Variants in SLC27A4 observed in about 807,000 individuals in gnomAD.
SLC27A4 encodes the protein solute carrier family 27 member 4, also known as long-chain fatty acid transport protein 4.
SLC27A4 carries 33 observed loss-of-function variants against 64.4 expected under a neutral mutation model. That is an observed-to-expected ratio of 0.51 (90% CI 0.39 to 0.68). The LOEUF is 0.68. Ranked by LOEUF, SLC27A4 falls within the 30% of genes least tolerant of loss-of-function variation. The probability of loss-of-function intolerance (pLI) is 0.00; values close to 1 mark genes in which losing one functional copy is unlikely to be tolerated. For missense variants in SLC27A4, 824 were observed against 883.5 expected (o/e 0.93, Z 0.85); for synonymous variants, 377 against 370.0 (o/e 1.02, Z -0.22).
At position 128,355,128 on chromosome 9, in the gene SLC27A4, G is replaced by A; in HGVS notation, c.1400G>A (p.Gly467Asp). 2 of 1,613,674 alleles carry A rather than the reference G, an allele frequency of 1.2e-6. No homozygotes were observed. Among genetic ancestry groups the A allele is most frequent in the Admixed American group, 1.7e-5 (1 of 60,010 alleles). ...CGCTTCGATGGCTACCTCAACCAGG[G>A]CGCCAACAACAAGAAGATTGCCAAG... Reference protein sequence around the residue: ...LRRFDGYLNQGANNKKIAKDV... With the variant: ...LRRFDGYLNQDANNKKIAKDV... Residue 467 changes from glycine to aspartate, a missense_variant, in exon 10 of 13, where the codon GGC becomes GAC. Transcript: ENST00000300456.
At position 128,345,102 on chromosome 9, in the gene SLC27A4, AC is replaced by A; in HGVS notation, c.162-49del. 6.2e-7 allele frequency: 1 copy of A among 1,609,156 alleles called. No individual in the cohort carries two copies. The highest frequency in any genetic ancestry group is 8.5e-7 in the Non-Finnish European group (1 of 1,178,366). On this transcript the variant is annotated intron_variant, in intron 2 of 12. Coordinates refer to ENST00000300456, the MANE Select transcript of SLC27A4 (RefSeq NM_005094.4). This position sits in a 1 kb window ranked among gnomAD's most constrained non-coding sequence, Gnocchi z 4.1. Reference sequence around the variant, plus strand: ...CAGCAGCCTGGGGTAGGGTGTCAGGACCCCTCCCTCCCAACCATGGCAGACA... The same window carrying A: ...CAGCAGCCTGGGGTAGGGTGTCAGGACCCTCCCTCCCAACCATGGCAGACA...
At position 128,350,522 on chromosome 9, in the gene SLC27A4, G is replaced by A. The variant is rs780754811; in HGVS notation, c.824G>A (p.Arg275His). The A allele has an allele frequency of 6.2e-6, 10 of 1,613,814 alleles. No individual in the cohort carries two copies. The highest frequency in any genetic ancestry group is 2.2e-5 in the East Asian group (1 of 44,886). The change falls in exon 6 of 13, where the codon CGC becomes CAC. Residue 275 changes from arginine (R) to histidine (H), a missense_variant. Arg to His is a conservative substitution (Grantham distance 29). Coordinates refer to ENST00000300456, the MANE Select transcript of SLC27A4 (RefSeq NM_005094.4). ...RMAALVYYGF[R>H]MRPNDIVYDC... ...GCTGCCCTGGTGTACTATGGATTCC[G>A]CATGCGGCCCAACGACATCGTCTAT... is the stretch of plus-strand genomic sequence containing the variant.
At chr9:128,344,755 A>G (rs964176358) in intron 2 of SLC27A4, among the ~76,000 whole-genome samples, 2 of 152,124 alleles carry the variant, frequency 1.3e-5, no homozygotes, top group African/African-American at 4.8e-5. Flanking sequence ...GGAGGCCCCA[A>G]ACAAGGAGTT....
chr9:128,350,943 A>T (rs1047198412), intron 6 of SLC27A4, among the ~76,000 whole-genome samples: 5 of 152,164 alleles, frequency 3.3e-5, no homozygotes, highest in African/African-American at 1.2e-4. Context: ...AGTACAAAAA[A>T]TTAGCCAGGT....
Position 128,353,277 on chromosome 9 carries a change from C to T in SLC27A4, c.1197+43C>T. 1.9e-6 allele frequency: 3 copies of T among 1,609,068 alleles called. No individual in the cohort carries two copies. The highest frequency in any genetic ancestry group is 2.6e-6 in the Non-Finnish European group (3 of 1,176,314). ...ATGGGCGAGGCTGCTGCAGGGATGG[C>T]CCACAGAAGGCACTGGATGCAGAGG... On this transcript the variant is annotated intron_variant, in intron 8 of 12. Coordinates refer to ENST00000300456, the MANE Select transcript of SLC27A4 (RefSeq NM_005094.4). The surrounding 1 kb of genome is among the most constrained non-coding windows in gnomAD (Gnocchi z 4.9).
At chr9:128,351,906 G>T (rs1832742429) in intron 6 of SLC27A4, among the ~76,000 whole-genome samples, 1 of 151,804 alleles carries the variant, frequency 6.6e-6, no homozygotes, top group Non-Finnish European at 1.5e-5. Context: ...TTTGTTTTAG[G>T]CCAGGTGTGG....
chr9:128,351,083 ACT>A lies in SLC27A4; in HGVS notation c.877+511_877+512del, dbSNP rs1454727135. 2.0e-5 allele frequency among the ~76,000 whole-genome samples: 3 copies of A among 146,970 alleles called. No individual in the cohort carries two copies. In the Admixed American group the frequency reaches 2.0e-4, roughly 10 times the overall value. ...ACTCCAGCCTGGGCAACAGTACAAG[ACT>A]CTGTCTCGGAAAAAAAAAAAAGAAA... On this transcript the variant is annotated intron_variant, in intron 6 of 12. Transcript: ENST00000300456.
chr9:128,344,284 G>A (rs574444723), intron 2 of SLC27A4, among the ~76,000 whole-genome samples: 3 of 152,146 alleles, frequency 2.0e-5, no homozygotes, highest in South Asian at 2.1e-4. Flanking sequence ...TTGGGAGGCC[G>A]AAGTGGGTGG....
Position 128,340,565 on chromosome 9 carries a change from C to T in SLC27A4, c.-280C>T, listed in dbSNP as rs1445136306. The T allele has an allele frequency of 4.8e-6, 1 of 206,696 alleles. No individual in the cohort carries two copies. The highest frequency in any genetic ancestry group is 2.4e-5 in the African/African-American group (1 of 42,276). 12.8% of individuals were successfully genotyped at this position (206,696 alleles called of 1,614,324 possible). On this transcript the variant is annotated 5_prime_UTR_variant, in exon 1 of 13. Coordinates refer to ENST00000300456, the MANE Select transcript of SLC27A4 (RefSeq NM_005094.4). Reference sequence around the variant, plus strand: ...CTGCGCTGCGCCGCCGGCTCTGTGGCTTGCCGGCTTCGGGGAAGGTGCGGC... The same window carrying T: ...CTGCGCTGCGCCGCCGGCTCTGTGGTTTGCCGGCTTCGGGGAAGGTGCGGC...
intron 3 of SLC27A4, among the ~76,000 whole-genome samples, chr9:128,347,239 G>A (rs894114899): frequency 6.6e-6 from 1 of 152,190 alleles, no homozygotes; most frequent in Non-Finnish European, 1.5e-5. Context: ...TCTCTATAAA[G>A]ACCGAGTGAG....
chr9:128,347,090 A>G (rs1832668992), intron 3 of SLC27A4, among the ~76,000 whole-genome samples: 1 of 152,148 alleles, frequency 6.6e-6, no homozygotes, highest in African/African-American at 2.4e-5. Context: ...CCTTGTGACT[A>G]ATTAGGCCGT....
chr9:128,346,498 T>G (rs940628692), intron 3 of SLC27A4, among the ~76,000 whole-genome samples: 3 of 151,514 alleles, frequency 2.0e-5, no homozygotes, highest in Admixed American at 2.0e-4. Flanking sequence ...CCTCCCAAAG[T>G]GCTGGGATTA....
intron 1 of SLC27A4, chr9:128,342,336 T>C: frequency 6.2e-7 from 1 of 1,611,998 alleles, no homozygotes; most frequent in Non-Finnish European, 8.5e-7. Context: ...AAGAAACGAT[T>C]GAACAGGAGA....
intron 12 of SLC27A4, among the ~76,000 whole-genome samples, chr9:128,357,258 T>C: frequency 8.3e-6 from 1 of 120,066 alleles, no homozygotes; most frequent in African/African-American, 3.4e-5. Context: ...TGAGACTCTG[T>C]CTCAAAAAAA....
At chr9:128,355,948 T>G (rs993465497) in intron 12 of SLC27A4, 152 bp downstream of exon 12, 2 of 1,010,930 alleles carry the variant, frequency 2.0e-6, no homozygotes, top group African/African-American at 3.2e-5. Context: ...CAGACGGGGC[T>G]GGCAGAGAAG....
In SLC27A4 at chr9:128,360,520, A is replaced by C; in HGVS notation, c.*29A>C. Reference sequence around the variant, plus strand: ...CCCCCATCCCTCTGAGGGCCGGCGGATGCTGGATCCGGAGCCCCAGGTTCC... The same window carrying C: ...CCCCCATCCCTCTGAGGGCCGGCGGCTGCTGGATCCGGAGCCCCAGGTTCC... On this transcript the variant is annotated 3_prime_UTR_variant, in exon 13 of 13. Transcript: ENST00000300456. The C allele has an allele frequency of 6.2e-7, 1 of 1,612,268 alleles. No individual in the cohort carries two copies. The highest frequency in any genetic ancestry group is 8.5e-7 in the Non-Finnish European group (1 of 1,179,672).
At chr9:128,349,604 G>T (rs1412343974) in intron 4 of SLC27A4, among the ~76,000 whole-genome samples, 2 of 152,232 alleles carry the variant, frequency 1.3e-5, no homozygotes, top group South Asian at 2.1e-4. Flanking sequence ...TGGTTGCTCT[G>T]GTGCCCTCAT....
rs950520556 is a variant in SLC27A4 at position 128,345,607 on chromosome 9, C to G, written c.556+58C>G. 3.3e-6 allele frequency: 5 copies of G among 1,515,146 alleles called. No individual in the cohort carries two copies. Among genetic ancestry groups the G allele is most frequent in the Non-Finnish European group, 4.4e-6 (5 of 1,134,718 alleles). The allele number at this position is 1,515,146 out of a possible 1,614,324, so 93.9% of individuals were successfully genotyped here. ...ACCCCATGGGATCTTACACAGACCA[C>G]AGCTCCCTTCCAGCCCTGCCAAGGC... is the stretch of plus-strand genomic sequence containing the variant. On this transcript the variant is annotated intron_variant, in intron 3 of 12. Coordinates refer to ENST00000300456, the MANE Select transcript of SLC27A4 (RefSeq NM_005094.4). This position sits in a 1 kb window ranked among gnomAD's most constrained non-coding sequence, Gnocchi z 4.1.
At chr9:128,350,954 G>A (rs1323385058) in intron 6 of SLC27A4, among the ~76,000 whole-genome samples, 1 of 152,226 alleles carries the variant, frequency 6.6e-6, no homozygotes, top group African/African-American at 2.4e-5. Context: ...TTAGCCAGGT[G>A]TGGTGGCTCA....
Sources: gnomAD v4.1 joint callset for allele counts (sites outside exome capture counted in the v4.1 genomes callset) on GRCh38, gnomAD v4.1.1 for gene constraint, Gnocchi (gnomAD v3.1) non-coding constraint, MANE v1.5 for transcripts, NCBI Gene and HGNC (gene_info 2026-07-23, HGNC 2026-07-21) for gene names.